The following KLHL3 variants were observed in gnomAD, a reference collection of about 807,000 sequenced individuals.
KLHL3 encodes the protein kelch like family member 3, also known as kelch-like protein 3.
Under a neutral mutation model 70.5 loss-of-function variants are expected in KLHL3, and 19 were observed. The observed-to-expected ratio is 0.27, with a 90% confidence interval of 0.19 to 0.40. The LOEUF (loss-of-function observed/expected upper bound fraction) is 0.40. Among genes scored for constraint, KLHL3 ranks in the 10% least tolerant of loss-of-function variants. The probability of loss-of-function intolerance (pLI) is 1.00; values close to 1 mark genes in which losing one functional copy is unlikely to be tolerated. For synonymous variants in KLHL3, 258 were observed against 290.3 expected (o/e 0.89, Z 1.13); for missense variants, 512 against 771.1 (o/e 0.66, Z 3.98).
At chr5:137,654,949 G>C (rs1483305625) in intron 8 of KLHL3, among the ~76,000 whole-genome samples, 1 of 152,062 alleles carries the variant, frequency 6.6e-6, no homozygotes, top group African/African-American at 2.4e-5. Flanking sequence ...GCACAAACTG[G>C]GCTTTAATTT....
chr5:137,712,813 A>G (rs1752819665), intron 2 of KLHL3, among the ~76,000 whole-genome samples: 1 of 152,196 alleles, frequency 6.6e-6, no homozygotes, highest in Non-Finnish European at 1.5e-5. Context: ...TCTAGTGTAG[A>G]CAAGTACACA....
chr5:137,709,636 A>G lies in KLHL3; in HGVS notation c.241+114T>C, dbSNP rs1752754935. On this transcript the variant is annotated intron_variant, in intron 3 of 14. Coordinates refer to ENST00000309755, the MANE Select transcript of KLHL3 (RefSeq NM_017415.3). ...ACTATCTGGCGTAGAGAAGCCCCTC[A>G]TAGTGGGCTAATGGCTTTCTCTTTC... 3.7e-6 allele frequency: 3 copies of G among 804,882 alleles called. No homozygotes were observed. In the South Asian group the frequency reaches 4.6e-5, roughly 12 times the overall value. 49.9% of individuals were successfully genotyped at this position (804,882 alleles called of 1,614,324 possible).
intron 1 of KLHL3, among the ~76,000 whole-genome samples, chr5:137,722,978 A>T (rs1461509652): frequency 6.6e-6 from 1 of 152,172 alleles, no homozygotes; most frequent in East Asian, 1.9e-4. Flanking sequence ...CCTGATACTG[A>T]TATTTATGTC....
rs1751386231 is a variant in KLHL3 at position 137,658,067 on chromosome 5, G to C, written c.903+64C>G. 4 of 1,492,486 alleles carry C rather than the reference G, an allele frequency of 2.7e-6. No homozygotes were observed. The Admixed American group carries it at 8.6e-5, about 32-fold the overall frequency. The allele number at this position is 1,492,486 out of a possible 1,614,324, so 92.5% of individuals were successfully genotyped here. On this transcript the variant is annotated intron_variant, in intron 8 of 14. Transcript: ENST00000309755. ...TGGGTGAGGAAAGACTTGGAGGCAG[G>C]AGTGGAAGGCCACTTTCCCAGGGCA...
At chr5:137,658,549 T>C (rs569938329) in intron 7 of KLHL3, among the ~76,000 whole-genome samples, 6 of 152,354 alleles carry the variant, frequency 3.9e-5, no homozygotes, top group African/African-American at 1.2e-4. Flanking sequence ...ATATTAAAGG[T>C]ATCTACAACC....
intron 5 of KLHL3, among the ~76,000 whole-genome samples, chr5:137,678,613 A>G (rs1365011411): frequency 6.6e-6 from 1 of 152,176 alleles, no homozygotes; most frequent in Non-Finnish European, 1.5e-5. Flanking sequence ...AAGCCACTGC[A>G]CCTGACTTCA....
At chr5:137,650,916 C>T (rs1270240702) in intron 8 of KLHL3, among the ~76,000 whole-genome samples, 1 of 150,462 alleles carries the variant, frequency 6.6e-6, no homozygotes, top group Non-Finnish European at 1.5e-5. Context: ...AGAAAAGAAA[C>T]AAAGAACCTT....
intron 8 of KLHL3, among the ~76,000 whole-genome samples, chr5:137,650,019 G>C (rs1318912955): frequency 1.3e-5 from 2 of 152,124 alleles, no homozygotes; most frequent in Non-Finnish European, 2.9e-5. Flanking sequence ...AAGATAATGG[G>C]CATTACATAC....
intron 3 of KLHL3, among the ~76,000 whole-genome samples, chr5:137,702,339 G>A (rs1350602162): frequency 6.6e-6 from 1 of 152,198 alleles, no homozygotes; most frequent in African/African-American, 2.4e-5. Context: ...TGATCTGGAG[G>A]AGTCATAGTT....
At chr5:137,664,985 G>T (rs544405976) in intron 6 of KLHL3, among the ~76,000 whole-genome samples, 9 of 151,964 alleles carry the variant, frequency 5.9e-5, no homozygotes, top group Non-Finnish European at 1.0e-4. Context: ...ACCCATAAGA[G>T]GACAAACTTA....
At chr5:137,704,514 C>T (rs1167287750) in intron 3 of KLHL3, among the ~76,000 whole-genome samples, 1 of 152,180 alleles carries the variant, frequency 6.6e-6, no homozygotes, top group Admixed American at 6.5e-5. Flanking sequence ...TAAAGAGGCC[C>T]CCACATCACC....
intron 1 of KLHL3, among the ~76,000 whole-genome samples, chr5:137,725,380 G>C (rs1034016572): frequency 2.6e-5 from 4 of 152,114 alleles, no homozygotes; most frequent in African/African-American, 9.7e-5. Context: ...AGCATAAAAT[G>C]GTTGATTTCT....
chr5:137,733,551 A>G (rs1162903407), intron 1 of KLHL3, among the ~76,000 whole-genome samples: 1 of 152,226 alleles, frequency 6.6e-6, no homozygotes, highest in African/African-American at 2.4e-5. Context: ...TGGTGGGCCT[A>G]TTATTCAGTG....
At chr5:137,705,409 C>G (rs1752666278) in intron 3 of KLHL3, among the ~76,000 whole-genome samples, 1 of 152,172 alleles carries the variant, frequency 6.6e-6, no homozygotes, top group South Asian at 2.1e-4. Context: ...AAGTCTAAGC[C>G]CCTTGTCTCT....
At chr5:137,677,407 C>T (rs1488581484) in intron 6 of KLHL3, 138 bp downstream of exon 6, 5 of 573,708 alleles carry the variant, frequency 8.7e-6, no homozygotes, top group African/African-American at 5.8e-5. Flanking sequence ...GAGATCACAC[C>T]ATCGCACTCC....
chr5:137,650,504 T>C (rs1751173206), intron 8 of KLHL3, among the ~76,000 whole-genome samples: 1 of 152,052 alleles, frequency 6.6e-6, no homozygotes, highest in Non-Finnish European at 1.5e-5. Context: ...TCTATGGAAG[T>C]ATGTTGGATG....
At chr5:137,680,615 T>C (rs1160681407) in intron 5 of KLHL3, among the ~76,000 whole-genome samples, 1 of 151,680 alleles carries the variant, frequency 6.6e-6, no homozygotes, top group Non-Finnish European at 1.5e-5. Context: ...CGATCTCAGC[T>C]CACTGCAACC....
chr5:137,643,937 G>A (rs190178543), intron 8 of KLHL3, among the ~76,000 whole-genome samples: 22 of 151,776 alleles, frequency 1.4e-4, no homozygotes, highest in African/African-American at 5.1e-4. Context: ...CTACTTCTAC[G>A]AGTTTGTCTG....
intron 1 of KLHL3, 156 bp from the exon 2 acceptor site, chr5:137,720,740 T>A (rs1752981379): frequency 6.9e-7 from 1 of 1,448,968 alleles, no homozygotes. Context: ...ACTGGGAATT[T>A]CTTCATATCT....
Sources: gnomAD v4.1 joint callset for allele counts (sites outside exome capture counted in the v4.1 genomes callset) on GRCh38, gnomAD v4.1.1 for gene constraint, MANE v1.5 for transcripts, NCBI Gene and HGNC (gene_info 2026-07-23, HGNC 2026-07-21) for gene names.